ARL6: variants seen among roughly 807,000 people sequenced by gnomAD.
ARL6 encodes ARF like GTPase 6.
Under a neutral mutation model 27.1 loss-of-function variants are expected in ARL6, and 18 were observed. That is an observed-to-expected ratio of 0.66 (90% CI 0.46 to 0.98). ARL6 has a LOEUF of 0.98. Among genes scored for constraint, ARL6 ranks in the 50% least tolerant of loss-of-function variants. The pLI is 0.00. For missense variants in ARL6, 187 were observed against 214.9 expected (o/e 0.87, Z 0.81); for synonymous variants, 65 against 72.3 (o/e 0.90, Z 0.51).
At chr3:97,772,590 G>A (rs989776867) in intron 2 of ARL6, among the ~76,000 whole-genome samples, 2 of 147,394 alleles carry the variant, frequency 1.4e-5, no homozygotes, top group Non-Finnish European at 3.0e-5. Context: ...TGTTCGAGGT[G>A]CATCATTGGG....
rs138150217 is a variant in ARL6 at position 97,785,323 on chromosome 3, A to ATAAT, written c.349+275_349+276insAATT. Among the ~76,000 whole-genome samples the ATAAT allele has an allele frequency of 0.72, 103,901 of 144,774 alleles. 38,941 individuals carry two copies. The highest frequency in any genetic ancestry group is 0.85 in the East Asian group (4,296 of 5,042). The allele number at this position is 144,774 out of a possible 152,430, so 95.0% of individuals were successfully genotyped here. A position where few individuals can be genotyped will look rare whatever the true frequency, so the allele number is the denominator to read the frequency against. The stretch of plus-strand genomic sequence containing the variant: ...AATTCCCTTTTTTCTGATTACATAA[A>ATAAT]TTGTACCAAAGCAAAAAAAAAAAAA... On this transcript the variant is annotated intron_variant, in intron 5 of 7. Coordinates refer to ENST00000463745, the MANE Select transcript of ARL6 (RefSeq NM_001278293.3).
chr3:97,793,740 A>G (rs1194228260), intron 7 of ARL6, among the ~76,000 whole-genome samples: 1 of 152,084 alleles, frequency 6.6e-6, no homozygotes, highest in Non-Finnish European at 1.5e-5. Context: ...TGTAAGGAGG[A>G]CACATTTTGG....
intron 5 of ARL6, among the ~76,000 whole-genome samples, chr3:97,787,112 C>A (rs1411114442): frequency 6.6e-6 from 1 of 152,120 alleles, no homozygotes; most frequent in African/African-American, 2.4e-5. Flanking sequence ...CACATTTATT[C>A]ATTACAGGAT....
rs369163269 is a variant in ARL6 at position 97,787,948 on chromosome 3, A to G, written c.350-42A>G. 189 of 1,610,430 alleles carry G rather than the reference A, an allele frequency of 1.2e-4. No homozygotes were observed. The African/African-American group carries it at 2.3e-3, about 20-fold the overall frequency. On this transcript the variant is annotated intron_variant, in intron 5 of 7. Coordinates refer to ENST00000463745, the MANE Select transcript of ARL6 (RefSeq NM_001278293.3). ...CTAAAGATTTGCTGCAAAATGACCT[A>G]AAAAGCTGGAAGTGTGATGATAATC...
intron 6 of ARL6, 137 bp downstream of exon 6, chr3:97,788,256 A>T: frequency 1.1e-6 from 1 of 945,662 alleles, no homozygotes; most frequent in Non-Finnish European, 1.5e-6. Flanking sequence ...GTTTTGTAGA[A>T]TTGTGGCATT....
rs529630273 is a variant in ARL6 at position 97,784,564 on chromosome 3, G to A, written c.255-391G>A. On this transcript the variant is annotated intron_variant, in intron 4 of 7. Coordinates refer to ENST00000463745, the MANE Select transcript of ARL6 (RefSeq NM_001278293.3). ...GGATTCCATTTTAAATACATATATA[G>A]TTTATTCATATGTAATATACACAAA... Among the ~76,000 whole-genome samples, 11 of 150,902 alleles carry A rather than the reference G, an allele frequency of 7.3e-5. No individual in the cohort carries two copies. In the East Asian group the frequency reaches 2.1e-3, roughly 29 times the overall value.
intron 2 of ARL6, among the ~76,000 whole-genome samples, chr3:97,776,112 G>A (rs558032288): frequency 1.4e-4 from 22 of 152,270 alleles, no homozygotes; most frequent in Admixed American, 9.8e-4. Flanking sequence ...TATATACGGT[G>A]TTCCCATGTT....
chr3:97,794,857 G>A (rs918762041), intron 7 of ARL6, among the ~76,000 whole-genome samples: 2 of 151,986 alleles, frequency 1.3e-5, no homozygotes, highest in Admixed American at 6.6e-5. Context: ...AGGTTGAGGT[G>A]GACAGATCAC....
At chr3:97,780,061 G>C in intron 2 of ARL6, 98 bp from the exon 3 acceptor site, 1 of 927,244 alleles carries the variant, frequency 1.1e-6, no homozygotes, top group Non-Finnish European at 1.8e-6. Flanking sequence ...CATCTCCTTA[G>C]TGACAGATTT....
intron 2 of ARL6, 95 bp downstream of exon 2, chr3:97,768,325 C>T (rs1321452838): frequency 7.5e-6 from 10 of 1,327,644 alleles, no homozygotes; most frequent in Non-Finnish European, 1.1e-6. Flanking sequence ...CGCATATAAT[C>T]ACATTAAGAT....
chr3:97,770,862 C>A (rs978731322), intron 2 of ARL6, among the ~76,000 whole-genome samples: 10 of 151,914 alleles, frequency 6.6e-5, no homozygotes, highest in African/African-American at 2.2e-4. Flanking sequence ...CTTCTCTGTT[C>A]TCTTCTGTTG....
At position 97,780,545 on chromosome 3, in the gene ARL6, A is replaced by C. The variant is rs1212968015; in HGVS notation, c.186-70A>C. ...TGAAGGGTAATTTCTTTGATTGTAA[A>C]TAATTTAAAATTTTAAGTAAAAGTT... On this transcript the variant is annotated intron_variant, in intron 3 of 7. Coordinates refer to ENST00000463745, the MANE Select transcript of ARL6 (RefSeq NM_001278293.3). 3.9e-6 allele frequency: 5 copies of C among 1,298,116 alleles called. No homozygotes were observed. In the East Asian group the frequency reaches 1.2e-4, roughly 31 times the overall value. 80.4% of individuals were successfully genotyped at this position (1,298,116 alleles called of 1,614,324 possible).
At chr3:97,795,629 C>T (rs2037964395) in intron 7 of ARL6, among the ~76,000 whole-genome samples, 1 of 152,144 alleles carries the variant, frequency 6.6e-6, no homozygotes, top group African/African-American at 2.4e-5. Flanking sequence ...AAAGCTGAAT[C>T]TTAAACTACC....
intron 5 of ARL6, 126 bp downstream of exon 5, chr3:97,785,175 T>C (rs2037391438): frequency 6.0e-6 from 4 of 661,314 alleles, no homozygotes; most frequent in Non-Finnish European, 7.9e-6. Flanking sequence ...TTAAAACATA[T>C]ATGTTATACA....
chr3:97,776,911 G>T (rs1043763714), intron 2 of ARL6, among the ~76,000 whole-genome samples: 1 of 152,178 alleles, frequency 6.6e-6, no homozygotes, highest in African/African-American at 2.4e-5. Context: ...TACCCGCCTT[G>T]CCCTCCCAAA....
At chr3:97,791,656 T>C in intron 6 of ARL6, 115 bp from the exon 7 acceptor site, 1 of 852,102 alleles carries the variant, frequency 1.2e-6, no homozygotes, top group Non-Finnish European at 1.9e-6. Context: ...CCAGTTTTGC[T>C]CAGATATATG....
intron 7 of ARL6, chr3:97,793,532 G>C (rs1157656706): frequency 6.6e-6 from 1 of 152,014 alleles, no homozygotes; most frequent in Non-Finnish European, 1.5e-5. Context: ...ACTGAAAATA[G>C]GTTGATAGTC....
At chr3:97,782,088 T>C (rs1167828198) in intron 4 of ARL6, among the ~76,000 whole-genome samples, 1 of 151,962 alleles carries the variant, frequency 6.6e-6, no homozygotes, top group African/African-American at 2.4e-5. Flanking sequence ...GAGGGTTAGT[T>C]TGGAAAAGGA....
chr3:97,774,181 C>T (rs1230988643), intron 2 of ARL6, among the ~76,000 whole-genome samples: 1 of 152,204 alleles, frequency 6.6e-6, no homozygotes, highest in Non-Finnish European at 1.5e-5. Flanking sequence ...TAGGAGGAGC[C>T]TGTTCTCCAG....
Sources: allele counts gnomAD v4.1 joint callset (sites outside exome capture counted in the v4.1 genomes callset), GRCh38; gene constraint gnomAD v4.1.1; transcripts MANE v1.5; gene names NCBI Gene and HGNC (gene_info 2026-07-23, HGNC 2026-07-21).